The following ZNF423 variants were observed in gnomAD, a reference collection of about 807,000 sequenced individuals.
ZNF423 encodes the protein zinc finger protein 423.
In ZNF423, 12 loss-of-function variants were observed where a neutral mutation model predicts 95.8. The observed-to-expected ratio is 0.13, with a 90% CI of 0.08 to 0.20. The LOEUF (loss-of-function observed/expected upper bound fraction) is 0.20, where lower values mean the gene tolerates loss of function less well. ZNF423 is among the 10% of genes least tolerant of loss of function. The pLI is 1.00. For synonymous variants in ZNF423, 749 were observed against 711.9 expected, an observed-to-expected ratio of 1.05 and a Z score of -0.83; for missense variants, 1,316 against 1,737.1, an observed-to-expected ratio of 0.76 and a Z score of 4.31.
In ZNF423 at chr16:49,576,102, T is replaced by C. The variant is rs1385404607; in HGVS notation, c.3601+50068A>G. Among the ~76,000 whole-genome samples the C allele has an allele frequency of 2.6e-5, 4 of 152,196 alleles. 1 individual carries two copies. Among genetic ancestry groups the C allele is most frequent in the South Asian group, 4.1e-4 (2 of 4,838 alleles). On this transcript the variant is annotated intron_variant, in intron 5 of 7. Transcript: ENST00000563137. ...TGTTCATCCCGTTTCTCAAACTCCA[T>C]ACCCAGACATGGAACCAGAAGTTTC...
intron 1 of ZNF423, among the ~76,000 whole-genome samples, chr16:49,827,611 G>A (rs917110911): frequency 2.0e-5 from 3 of 152,038 alleles, no homozygotes; most frequent in Admixed American, 6.6e-5. Context: ...GAGCTCCTGG[G>A]CTCCGGCAAT....
At chr16:49,832,132 G>A (rs991826271) in intron 1 of ZNF423, among the ~76,000 whole-genome samples, 6 of 152,210 alleles carry the variant, frequency 3.9e-5, no homozygotes, top group Admixed American at 3.9e-4. Context: ...TCTGGGGTGT[G>A]GGGCAGGCAT....
At chr16:49,722,790 G>A (rs940881741) in intron 3 of ZNF423, among the ~76,000 whole-genome samples, 9 of 152,108 alleles carry the variant, frequency 5.9e-5, no homozygotes, top group Non-Finnish European at 1.2e-4. Flanking sequence ...GCAATCCTGC[G>A]GAGAGGGAAG....
In ZNF423 at chr16:49,490,954, C is replaced by A; in HGVS notation, c.*321G>T. ...ACACTAATTCTTTTTTAAAAACTAT[C>A]AATATAATACATGAAGGAACAAAGG... On this transcript the variant is annotated 3_prime_UTR_variant, in exon 8 of 8. Transcript: ENST00000563137. 3.4e-6 allele frequency: 1 copy of A among 296,446 alleles called. No homozygotes were observed. The highest frequency in any genetic ancestry group is 6.2e-6 in the Non-Finnish European group (1 of 160,494). 18.4% of individuals were successfully genotyped at this position (296,446 alleles called of 1,614,324 possible).
At chr16:49,758,881 T>C (rs1466036490) in intron 2 of ZNF423, among the ~76,000 whole-genome samples, 3 of 152,122 alleles carry the variant, frequency 2.0e-5, no homozygotes, top group Non-Finnish European at 4.4e-5. Flanking sequence ...GTGATCACCA[T>C]AAAAGTCAAG....
At chr16:49,698,921 G>A (rs1480640405) in intron 3 of ZNF423, among the ~76,000 whole-genome samples, 2 of 152,216 alleles carry the variant, frequency 1.3e-5, no homozygotes, top group Non-Finnish European at 2.9e-5. Flanking sequence ...ACCCACCAGA[G>A]ACCCGCGGAG....
chr16:49,552,783 C>T (rs1310073391), intron 5 of ZNF423, among the ~76,000 whole-genome samples: 1 of 152,034 alleles, frequency 6.6e-6, no homozygotes, highest in Non-Finnish European at 1.5e-5. Flanking sequence ...TGATGGAAGG[C>T]AGCTTGTAGG....
intron 7 of ZNF423, chr16:49,518,594 A>G: frequency 2.3e-6 from 1 of 426,518 alleles, no homozygotes; most frequent in South Asian, 1.7e-5. Flanking sequence ...GCAAAAAAAA[A>G]AAAAAGTCTC....
intron 1 of ZNF423, among the ~76,000 whole-genome samples, chr16:49,827,208 G>C (rs12443775): frequency 0.2 from 29,839 of 151,860 alleles, 3,013 homozygotes; most frequent in African/African-American, 0.24. Flanking sequence ...CACTTCTCCC[G>C]ATCACCTGCT....
intron 7 of ZNF423, among the ~76,000 whole-genome samples, chr16:49,519,182 C>G (rs564271664): frequency 6.6e-6 from 1 of 152,336 alleles, no homozygotes; most frequent in Admixed American, 6.5e-5. Flanking sequence ...GTTACCCATC[C>G]TCCAAATAAG....
chr16:49,825,757 T>C (rs2034998804), intron 1 of ZNF423, among the ~76,000 whole-genome samples: 1 of 152,126 alleles, frequency 6.6e-6, no homozygotes, highest in South Asian at 2.1e-4. Context: ...CACACCTCAA[T>C]ATCAATGAGC....
chr16:49,819,863 A>G (rs1187981105), intron 1 of ZNF423, among the ~76,000 whole-genome samples: 2 of 152,214 alleles, frequency 1.3e-5, no homozygotes, highest in Non-Finnish European at 2.9e-5. Context: ...GTACTCAATA[A>G]ATTACATGAG....
intron 2 of ZNF423, among the ~76,000 whole-genome samples, chr16:49,784,949 C>CA (rs527345600): frequency 0.048 from 3,038 of 62,744 alleles, 88 homozygotes; most frequent in African/African-American, 0.14. Flanking sequence ...GACTCTGTCT[C>CA]AAAAAAAAAA....
intron 3 of ZNF423, among the ~76,000 whole-genome samples, chr16:49,666,201 T>C (rs917454163): frequency 1.3e-5 from 2 of 152,240 alleles, no homozygotes; most frequent in African/African-American, 4.8e-5. Context: ...GTTCTAATTA[T>C]CTAAACATGT....
intron 5 of ZNF423, among the ~76,000 whole-genome samples, chr16:49,562,018 G>A (rs2151770161): frequency 6.6e-6 from 1 of 152,330 alleles, no homozygotes; most frequent in African/African-American, 2.4e-5. Context: ...GACAACAGTA[G>A]TGAGTGGCTT....
At chr16:49,551,992 T>C (rs533218947) in intron 5 of ZNF423, among the ~76,000 whole-genome samples, 3 of 152,230 alleles carry the variant, frequency 2.0e-5, no homozygotes, top group Non-Finnish European at 4.4e-5. Context: ...GCTTTGTCAT[T>C]AGTTGCCAAC....
At chr16:49,680,191 C>G (rs987848910) in intron 3 of ZNF423, among the ~76,000 whole-genome samples, 26 of 152,348 alleles carry the variant, frequency 1.7e-4, no homozygotes, top group African/African-American at 6.3e-4. Context: ...AGAGCTGGAC[C>G]TGCCTGCAGA....
chr16:49,678,810 G>A (rs2151935044), intron 3 of ZNF423, among the ~76,000 whole-genome samples: 1 of 152,342 alleles, frequency 6.6e-6, no homozygotes, highest in South Asian at 2.1e-4. Context: ...ACAGTTTGGG[G>A]AAACCAATCT....
intron 5 of ZNF423, among the ~76,000 whole-genome samples, chr16:49,533,766 G>A (rs560594514): frequency 1.3e-5 from 2 of 152,344 alleles, no homozygotes; most frequent in East Asian, 1.9e-4. Context: ...ACTGGGCCAA[G>A]CGCTTCCCTC....
Sources: allele counts gnomAD v4.1 joint callset (sites outside exome capture counted in the v4.1 genomes callset), GRCh38; gene constraint gnomAD v4.1.1; transcripts MANE v1.5; gene names NCBI Gene and HGNC (gene_info 2026-07-23, HGNC 2026-07-21).